CHRM3: variants seen among roughly 807,000 people sequenced by gnomAD.
CHRM3 encodes muscarinic acetylcholine receptor M3.
CHRM3 carries 11 observed loss-of-function variants against 41.8 expected under a neutral mutation model. That is an observed-to-expected ratio of 0.26 (90% CI 0.17 to 0.44). The LOEUF (loss-of-function observed/expected upper bound fraction) is 0.44. Ranked by LOEUF, CHRM3 falls within the 20% of genes least tolerant of loss-of-function variation. CHRM3 has a pLI of 1.00. For missense variants in CHRM3, 571 were observed against 745.4 expected (o/e 0.77, Z 2.72); for synonymous variants, 297 against 301.4 (o/e 0.99, Z 0.15).
At chr1:239,808,601 C>T (rs779295965) in intron 5 of CHRM3, among the ~76,000 whole-genome samples, 15 of 152,118 alleles carry the variant, frequency 9.9e-5, no homozygotes, top group Non-Finnish European at 1.9e-4. Context: ...TTTGCCATAT[C>T]GATTGGACCA....
At chr1:239,747,245 T>C (rs1057291196) in intron 5 of CHRM3, among the ~76,000 whole-genome samples, 3 of 152,210 alleles carry the variant, frequency 2.0e-5, no homozygotes, top group African/African-American at 7.2e-5. Flanking sequence ...TATGATTCAT[T>C]ACATAAATAT....
intron 5 of CHRM3, among the ~76,000 whole-genome samples, chr1:239,785,894 A>G (rs1668856166): frequency 6.6e-6 from 1 of 151,962 alleles, no homozygotes; most frequent in Admixed American, 6.6e-5. Context: ...GACCAGAATT[A>G]TTTTCTTTAT....
At chr1:239,652,899 G>A (rs1672368255) in intron 4 of CHRM3, among the ~76,000 whole-genome samples, 1 of 152,132 alleles carries the variant, frequency 6.6e-6, no homozygotes, top group South Asian at 2.1e-4. Context: ...AGTTAAGATG[G>A]CAGATCTCAC....
intron 3 of CHRM3, among the ~76,000 whole-genome samples, chr1:239,623,471 C>A (rs1295594585): frequency 2.1e-5 from 3 of 143,284 alleles, no homozygotes; most frequent in African/African-American, 7.7e-5. Flanking sequence ...CATGGTATTC[C>A]ATGGTGTATA....
At chr1:239,457,057 C>T (rs1406651658) in intron 1 of CHRM3, among the ~76,000 whole-genome samples, 1 of 152,182 alleles carries the variant, frequency 6.6e-6, no homozygotes, top group Non-Finnish European at 1.5e-5. Context: ...TTGTTGCTGT[C>T]ATTCCCCGGA....
rs202237246 is a variant in CHRM3 at position 239,907,529 on chromosome 1, T to C, written c.78T>C (p.Asp26=). ...ISSSWIHSPS[D]AGLPPGTVTH... ...CCTCCTGGATACACAGCCCCTCCGA[T>C]GCAGGGCTGCCCCCGGGAACCGTCA... The change falls in exon 7 of 7, where the codon GAT becomes GAC. Residue 26 remains aspartate, a synonymous_variant. Coordinates refer to ENST00000676153, the MANE Select transcript of CHRM3 (RefSeq NM_001375978.1). This position sits in a 1 kb window ranked among gnomAD's most constrained non-coding sequence, Gnocchi z 5.4. 6.2e-7 allele frequency: 1 copy of C among 1,614,168 alleles called. No homozygotes were observed. Among genetic ancestry groups the C allele is most frequent in the Non-Finnish European group, 8.5e-7 (1 of 1,180,024 alleles).
At chr1:239,465,566 C>T (rs530002422) in intron 1 of CHRM3, among the ~76,000 whole-genome samples, 1 of 152,204 alleles carries the variant, frequency 6.6e-6, no homozygotes, top group East Asian at 1.9e-4. Context: ...TGGGGTCTTG[C>T]CTTTGTTTGC....
intron 2 of CHRM3, among the ~76,000 whole-genome samples, chr1:239,505,394 A>G (rs994891730): frequency 6.6e-6 from 1 of 152,114 alleles, no homozygotes; most frequent in African/African-American, 2.4e-5. Context: ...TAATTGAATC[A>G]CTGGGGCAGG....
chr1:239,532,009 C>CTTTTTTTTTT (rs34798101), intron 2 of CHRM3, among the ~76,000 whole-genome samples: 14 of 76,292 alleles, frequency 1.8e-4, no homozygotes, highest in African/African-American at 6.8e-4. Flanking sequence ...TTCCTTCTTT[C>CTTTTTTTTTT]TTTTTTTTTT....
intron 3 of CHRM3, among the ~76,000 whole-genome samples, chr1:239,631,522 C>G (rs1669834294): frequency 6.6e-6 from 1 of 152,204 alleles, no homozygotes; most frequent in South Asian, 2.1e-4. Context: ...CTTCATGACC[C>G]TCTGAACTCA....
chr1:239,462,555 C>G (rs1334864825), intron 1 of CHRM3, among the ~76,000 whole-genome samples: 1 of 152,054 alleles, frequency 6.6e-6, no homozygotes, highest in Admixed American at 6.5e-5. Context: ...CTGCAGGGTA[C>G]GTGTAAAAAT....
chr1:239,584,573 G>GAGGTA (rs1423435262), intron 3 of CHRM3, among the ~76,000 whole-genome samples: 1 of 152,170 alleles, frequency 6.6e-6, no homozygotes, highest in Non-Finnish European at 1.5e-5. Context: ...GAAAAGAAGA[G>GAGGTA]AGGTAAGATA....
At chr1:239,556,294 A>G (rs1389495630) in intron 3 of CHRM3, among the ~76,000 whole-genome samples, 1 of 152,166 alleles carries the variant, frequency 6.6e-6, no homozygotes, top group Non-Finnish European at 1.5e-5. Context: ...GAGCCACAGA[A>G]TATTTTTGGA....
At chr1:239,713,876 C>T (rs749779092) in intron 5 of CHRM3, among the ~76,000 whole-genome samples, 1 of 152,084 alleles carries the variant, frequency 6.6e-6, no homozygotes, top group Non-Finnish European at 1.5e-5. Flanking sequence ...GTTTTATGGA[C>T]GAGGGACAAA....
intron 2 of CHRM3, among the ~76,000 whole-genome samples, chr1:239,500,692 TA>T (rs1385095394): frequency 6.9e-6 from 1 of 145,060 alleles, no homozygotes; most frequent in Admixed American, 6.8e-5. Flanking sequence ...AAATACATGT[TA>T]AAAAGAAAAA....
chr1:239,591,966 G>A (rs1361567843), intron 3 of CHRM3, among the ~76,000 whole-genome samples: 9 of 152,138 alleles, frequency 5.9e-5, no homozygotes, highest in Admixed American at 5.9e-4. Flanking sequence ...TGATTGGCAG[G>A]GCCTTTTACT....
chr1:239,822,628 A>G (rs1452914480), intron 5 of CHRM3, among the ~76,000 whole-genome samples: 1 of 152,244 alleles, frequency 6.6e-6, no homozygotes. Context: ...GTAAGTTTCT[A>G]GTTATATTTA....
intron 3 of CHRM3, among the ~76,000 whole-genome samples, chr1:239,618,655 T>C (rs188223358): frequency 0.012 from 1,821 of 151,370 alleles, 28 homozygotes; most frequent in African/African-American, 0.029. Context: ...CCATCCTGGC[T>C]AACACGGTGA....
At chr1:239,489,641 GT>G (rs1249700138) in intron 1 of CHRM3, among the ~76,000 whole-genome samples, 1 of 152,064 alleles carries the variant, frequency 6.6e-6, no homozygotes, top group Non-Finnish European at 1.5e-5. Context: ...GATACTTTAT[GT>G]TTTTTGCTAT....
Sources: gnomAD v4.1 joint callset for allele counts (sites outside exome capture counted in the v4.1 genomes callset) on GRCh38, gnomAD v4.1.1 for gene constraint, Gnocchi (gnomAD v3.1) non-coding constraint, MANE v1.5 for transcripts, NCBI Gene and HGNC (gene_info 2026-07-23, HGNC 2026-07-21) for gene names.